PTPN1: variants seen among roughly 807,000 people sequenced by gnomAD.
PTPN1 encodes tyrosine-protein phosphatase non-receptor type 1.
In PTPN1, 12 loss-of-function variants were observed where a neutral mutation model predicts 59.9. The ratio of observed to expected loss-of-function variants is 0.20; its 90% CI spans 0.13 to 0.32. The LOEUF (loss-of-function observed/expected upper bound fraction) is 0.32. Among genes scored for constraint, PTPN1 ranks in the 10% least tolerant of loss-of-function variants. The probability of loss-of-function intolerance (pLI) is 1.00; values close to 1 mark genes in which losing one functional copy is unlikely to be tolerated. For missense variants in PTPN1, 356 were observed against 549.2 expected, an observed-to-expected ratio of 0.65 and a Z score of 3.52; for synonymous variants, 178 against 203.6, an observed-to-expected ratio of 0.87 and a Z score of 1.07.
At chr20:50,559,900 TAG>T (rs2082744366) in intron 1 of PTPN1, among the ~76,000 whole-genome samples, 1 of 152,000 alleles carries the variant, frequency 6.6e-6, no homozygotes, top group Admixed American at 6.6e-5. Context: ...GTTTTTATGT[TAG>T]AGACTTTCCT....
In PTPN1 at chr20:50,569,619, TCTGTGTAGACTGTC is replaced by T. The variant is rs1321560061; in HGVS notation, c.354+1165_354+1178del. ...CATGTAAACTGTCCTGTGTAGATTG[TCTGTGTAGACTGTC>T]CTGTGTAGACTGTCCTGTGTAGATT... On this transcript the variant is annotated intron_variant, in intron 4 of 9. Transcript: ENST00000371621. Among the ~76,000 whole-genome samples, 407 of 151,632 alleles carry T rather than the reference TCTGTGTAGACTGTC, an allele frequency of 2.7e-3. 1 individual carries two copies. Among genetic ancestry groups the T allele is most frequent in the South Asian group, 7.1e-3 (34 of 4,784 alleles).
rs2082772552 is a variant in PTPN1, at chr20:50,565,058, A to T, written c.244A>T (p.Ile82Phe). 6.2e-7 allele frequency: 1 copy of T among 1,611,258 alleles called. No homozygotes were observed. Reference sequence around the variant, plus strand: ...AATGGAAGAAGCCCAAAGGAGTTACATTCTTACCCAGGTAAGCAGATTGTC... The same window carrying T: ...AATGGAAGAAGCCCAAAGGAGTTACTTTCTTACCCAGGTAAGCAGATTGTC... ...IKMEEAQRSY[I>F]LTQGPLPNTC... is the part of the protein sequence containing the mutation. The change falls in exon 3 of 10, where the codon ATT becomes TTT. Residue 82 changes from isoleucine to phenylalanine, a missense_variant. Ile to Phe is a conservative substitution (Grantham distance 21, BLOSUM62 0). Coordinates refer to ENST00000371621, the MANE Select transcript of PTPN1 (RefSeq NM_002827.4).
At chr20:50,543,789 T>C (rs2082662837) in intron 1 of PTPN1, among the ~76,000 whole-genome samples, 1 of 152,006 alleles carries the variant, frequency 6.6e-6, no homozygotes. Flanking sequence ...TTAGAAGCAA[T>C]AAAGGAAATT....
Position 50,510,405 on chromosome 20 carries a change from G to A in PTPN1, c.-123G>A, listed in dbSNP as rs2082500248. Reference sequence around the variant, plus strand: ...GACATGAAGAAGCAGCAGCGGCTAGGGCGGCGGTAGCTGCAGGGGTCGGGG... The same window carrying A: ...GACATGAAGAAGCAGCAGCGGCTAGAGCGGCGGTAGCTGCAGGGGTCGGGG... On this transcript the variant is annotated 5_prime_UTR_variant, in exon 1 of 10. Coordinates refer to ENST00000371621, the MANE Select transcript of PTPN1 (RefSeq NM_002827.4). The A allele has an allele frequency of 9.5e-7, 1 of 1,047,520 alleles. No individual in the cohort carries two copies. The highest frequency in any genetic ancestry group is 1.4e-6 in the Non-Finnish European group (1 of 726,810). The allele number at this position is 1,047,520 out of a possible 1,614,324, so 64.9% of individuals were successfully genotyped here. A position where few individuals can be genotyped will look rare whatever the true frequency, so the allele number is the denominator to read the frequency against.
intron 1 of PTPN1, among the ~76,000 whole-genome samples, chr20:50,541,027 A>C (rs886254052): frequency 2.0e-5 from 3 of 152,182 alleles, no homozygotes; most frequent in Non-Finnish European, 4.4e-5. Flanking sequence ...GATAGAATGT[A>C]CTACATTCCG....
intron 5 of PTPN1, among the ~76,000 whole-genome samples, chr20:50,576,426 AG>A (rs1375563063): frequency 3.3e-5 from 5 of 152,172 alleles, no homozygotes; most frequent in Admixed American, 2.0e-4. Context: ...TCTCAGCCAT[AG>A]CTGTCTGTTC....
intron 1 of PTPN1, among the ~76,000 whole-genome samples, chr20:50,557,028 T>G (rs1035289444): frequency 6.6e-6 from 1 of 152,140 alleles, no homozygotes; most frequent in Non-Finnish European, 1.5e-5. Context: ...GCAGATGAAA[T>G]TAATAGCCTG....
At chr20:50,576,597 G>A (rs1230001915) in intron 5 of PTPN1, among the ~76,000 whole-genome samples, 4 of 152,084 alleles carry the variant, frequency 2.6e-5, no homozygotes, top group South Asian at 2.1e-4. Flanking sequence ...GGCCGGGCAC[G>A]GTGGCTAACA....
At chr20:50,576,775 C>G (rs1303775236) in intron 5 of PTPN1, among the ~76,000 whole-genome samples, 1 of 151,902 alleles carries the variant, frequency 6.6e-6, no homozygotes, top group Non-Finnish European at 1.5e-5. Flanking sequence ...ACTCGGGAGG[C>G]TGAGGCAGAG....
rs1376239268 is a variant in PTPN1 at position 50,582,653 on chromosome 20, C to A, written c.1285-39C>A. 5 of 1,610,140 alleles carry A rather than the reference C, an allele frequency of 3.1e-6. No homozygotes were observed. Among genetic ancestry groups the A allele is most frequent in the Non-Finnish European group, 4.2e-6 (5 of 1,177,958 alleles). On this transcript the variant is annotated intron_variant, in intron 9 of 9. Transcript: ENST00000371621. The surrounding 1 kb of genome is among the most constrained non-coding windows in gnomAD (Gnocchi z 4.2). ...GCATGAGGCGACAGCTCTGCAGGTG[C>A]GGGTCTGGGCTCATCTGAACTGTTT...
intron 3 of PTPN1, 79 bp downstream of exon 3, chr20:50,565,148 T>C (rs2082772971): frequency 7.2e-7 from 1 of 1,396,634 alleles, no homozygotes; most frequent in East Asian, 2.4e-5. Flanking sequence ...TCAAATAAAA[T>C]CTGCCACATC....
chr20:50,514,859 A>G (rs1348562263), intron 1 of PTPN1, among the ~76,000 whole-genome samples: 1 of 152,152 alleles, frequency 6.6e-6, no homozygotes, highest in African/African-American at 2.4e-5. Context: ...CAGCCATTCC[A>G]TGTTCACATT....
chr20:50,555,673 T>TC (rs1276238043), intron 1 of PTPN1, among the ~76,000 whole-genome samples: 1 of 152,214 alleles, frequency 6.6e-6, no homozygotes, highest in Non-Finnish European at 1.5e-5. Flanking sequence ...CCTTTTATTT[T>TC]CCCAATGTCT....
rs184540540 is a variant in PTPN1 at position 50,517,446 on chromosome 20, A to G, written c.63+6856A>G. Among the ~76,000 whole-genome samples the G allele has an allele frequency of 3.9e-5, 6 of 152,048 alleles. No individual in the cohort carries two copies. In the East Asian group the frequency reaches 1.2e-3, roughly 29 times the overall value. On this transcript the variant is annotated intron_variant, in intron 1 of 9. Transcript: ENST00000371621. The stretch of plus-strand genomic sequence containing the variant: ...ATTTTTGTATTTTTTTGGAGTAGAG[A>G]TGGGATTTTGCTGTGTTGCCCAGGC...
intron 1 of PTPN1, among the ~76,000 whole-genome samples, chr20:50,554,743 C>A (rs1158917979): frequency 6.6e-6 from 1 of 151,870 alleles, no homozygotes; most frequent in Admixed American, 6.6e-5. Context: ...TGAAAGTAGA[C>A]CATCGTGAAT....
chr20:50,531,405 C>T (rs1246895819), intron 1 of PTPN1, among the ~76,000 whole-genome samples: 1 of 151,994 alleles, frequency 6.6e-6, no homozygotes, highest in African/African-American at 2.4e-5. Context: ...GAGACTGAGT[C>T]TCGCTCTGTC....
chr20:50,555,786 T>C (rs1263405020), intron 1 of PTPN1, among the ~76,000 whole-genome samples: 1 of 152,064 alleles, frequency 6.6e-6, no homozygotes. Context: ...AAAGTACATA[T>C]GCATAATCCT....
chr20:50,575,780 TAGTC>T (rs1207873912), intron 5 of PTPN1, among the ~76,000 whole-genome samples: 4 of 151,764 alleles, frequency 2.6e-5, no homozygotes, highest in Non-Finnish European at 5.9e-5. Flanking sequence ...CAAAAACAGT[TAGTC>T]AGACATCGTG....
chr20:50,527,746 A>G (rs13041704), intron 1 of PTPN1, among the ~76,000 whole-genome samples: 1 of 151,962 alleles, frequency 6.6e-6, no homozygotes, highest in East Asian at 1.9e-4. Flanking sequence ...AGTGTGGTAG[A>G]CCTGTATTTG....
Sources: gnomAD v4.1 joint callset for allele counts (sites outside exome capture counted in the v4.1 genomes callset) on GRCh38, gnomAD v4.1.1 for gene constraint, Gnocchi (gnomAD v3.1) non-coding constraint, MANE v1.5 for transcripts, NCBI Gene and HGNC (gene_info 2026-07-23, HGNC 2026-07-21) for gene names.